MOSPD3: variants seen among roughly 807,000 people sequenced by gnomAD.
The protein encoded by MOSPD3 is motile sperm domain containing 3.
In MOSPD3, 20 loss-of-function variants were observed where a neutral mutation model predicts 23.3. The observed-to-expected ratio is 0.86, with a 90% confidence interval of 0.61 to 1.25. MOSPD3 has a LOEUF of 1.25. Among genes scored for constraint, MOSPD3 ranks in the 50% most tolerant of loss-of-function variants. MOSPD3 has a pLI of 0.00. For missense variants in MOSPD3, 307 were observed against 315.7 expected, an observed-to-expected ratio of 0.97 and a Z score of 0.21; for synonymous variants, 136 against 135.2, an observed-to-expected ratio of 1.01 and a Z score of -0.04.
At chr7:100,613,117 G>A (rs1025826085) in intron 1 of MOSPD3, 77 bp from the exon 2 acceptor site, 79 of 1,582,916 alleles carry the variant, frequency 5.0e-5, no homozygotes, top group Non-Finnish European at 6.7e-5. Flanking sequence ...GTCATGTCCA[G>A]CCTCCGGGGC....
In MOSPD3 at chr7:100,615,207, A is replaced by ACCCCAC. The variant is rs1802964859; in HGVS notation, c.*27_*32dup. The ACCCCAC allele has an allele frequency of 9.9e-7, 1 of 1,010,960 alleles. No individual in the cohort carries two copies. Among genetic ancestry groups the ACCCCAC allele is most frequent in the South Asian group, 1.3e-5 (1 of 79,906 alleles). 62.6% of individuals were successfully genotyped at this position (1,010,960 alleles called of 1,614,324 possible). On this transcript the variant is annotated 3_prime_UTR_variant, in exon 5 of 5. Transcript: ENST00000393950. ...GAGCTCCGTGCTCAACCCCCAGCCC[A>ACCCCAC]CCCCACCCTCCCTGGGCAGGGTCTT... is the stretch of plus-strand genomic sequence containing the variant.
At chr7:100,613,750 A>T in intron 3 of MOSPD3, 44 bp downstream of exon 3, 1 of 1,521,394 alleles carries the variant, frequency 6.6e-7, no homozygotes, top group South Asian at 1.1e-5. Context: ...GGGAGGGAGG[A>T]ACTAGCATTT....
At chr7:100,614,792 G>A (rs1421656217) in intron 3 of MOSPD3, 75 bp from the exon 4 acceptor site, 19 of 1,464,202 alleles carry the variant, frequency 1.3e-5, no homozygotes, top group Non-Finnish European at 1.7e-5. Context: ...CATCTTCCTT[G>A]TTCAGGCTTC....
rs746690050 is a variant in MOSPD3, at chr7:100,612,925, C to A, written c.134C>A (p.Ala45Glu). The A allele has an allele frequency of 6.2e-7, 1 of 1,613,636 alleles. No homozygotes were observed. The highest frequency in any genetic ancestry group is 1.3e-5 in the African/African-American group (1 of 74,866). Residue 45 changes from alanine to glutamate, a missense_variant, in exon 1 of 5, where the codon GCG becomes GAG. Ala to Glu is a moderately radical substitution (Grantham distance 107). Transcript: ENST00000393950. ...TTTCCCCCGGATCTAGTATTCAGGG[C>A]GGACCAGCGGAGCGGACCCCGACAG... is the stretch of plus-strand genomic sequence containing the variant. ...LVFPPDLVFR[A>E]DQRSGPRQLL...
At position 100,615,135 on chromosome 7, in the gene MOSPD3, C is replaced by A; in HGVS notation, c.677-17C>A. ...GGCTGCCCATGCGACCCTATTCTTT[C>A]TTTGTCCCCCCTCCAGGCCTCCTCA... On this transcript the variant is annotated splice_polypyrimidine_tract_variant and intron_variant, in intron 4 of 4. Coordinates refer to ENST00000393950, the MANE Select transcript of MOSPD3 (RefSeq NM_023948.5). The A allele has an allele frequency of 6.2e-7, 1 of 1,614,118 alleles. No homozygotes were observed. Among genetic ancestry groups the A allele is most frequent in the Non-Finnish European group, 8.5e-7 (1 of 1,180,006 alleles).
Position 100,613,179 on chromosome 7 carries a change from G to A in MOSPD3, c.206-15G>A, listed in dbSNP as rs369801670. ...CACATGGCAGGGCTTGTCTGTGTGTGTCTCTATCCCCCAGTCCTGTGCACA... is the reference window on the plus strand; with the variant it reads ...CACATGGCAGGGCTTGTCTGTGTGTATCTCTATCCCCCAGTCCTGTGCACA... On this transcript the variant is annotated splice_polypyrimidine_tract_variant and intron_variant, in intron 1 of 4. Transcript: ENST00000393950. The A allele has an allele frequency of 5.6e-6, 9 of 1,613,644 alleles. No individual in the cohort carries two copies. The Admixed American group carries it at 6.7e-5, about 12-fold the overall frequency.
chr7:100,613,016 G>T lies in MOSPD3; in HGVS notation c.205+20G>T. On this transcript the variant is annotated intron_variant, in intron 1 of 4. Transcript: ENST00000393950. ...TCCGAGGTAAAGGGATCGGCGCCTCGTGGGGGCTGGTGGCCGGACACTGGG... is the reference window on the plus strand; with the variant it reads ...TCCGAGGTAAAGGGATCGGCGCCTCTTGGGGGCTGGTGGCCGGACACTGGG... The T allele has an allele frequency of 3.1e-6, 5 of 1,613,444 alleles. No individual in the cohort carries two copies. In the Middle Eastern group the frequency reaches 5.0e-4, roughly 160 times the overall value.
intron 3 of MOSPD3, among the ~76,000 whole-genome samples, chr7:100,614,149 G>T (rs1031400953): frequency 1.3e-5 from 2 of 152,148 alleles, no homozygotes; most frequent in Non-Finnish European, 2.9e-5. Flanking sequence ...GAGGACACTT[G>T]CAGTGTACCC....
At chr7:100,614,388 C>G (rs1330023678) in intron 3 of MOSPD3, among the ~76,000 whole-genome samples, 4 of 151,546 alleles carry the variant, frequency 2.6e-5, no homozygotes, top group African/African-American at 9.7e-5. Flanking sequence ...ATCACTTGAA[C>G]CTAGGAGGCA....
Position 100,612,705 on chromosome 7 carries a change from C to T in MOSPD3, c.-87C>T. 2.9e-6 allele frequency: 3 copies of T among 1,051,158 alleles called. No individual in the cohort carries two copies. Among genetic ancestry groups the T allele is most frequent in the East Asian group, 2.6e-5 (1 of 38,954 alleles). 65.1% of individuals were successfully genotyped at this position (1,051,158 alleles called of 1,614,324 possible). Reference sequence around the variant, plus strand: ...CCCTGCTCCGGGAGCTCATCTTGTCCCCTTTCGCCCCTCACGCCCCCCAGC... The same window carrying T: ...CCCTGCTCCGGGAGCTCATCTTGTCTCCTTTCGCCCCTCACGCCCCCCAGC... On this transcript the variant is annotated 5_prime_UTR_variant, in exon 1 of 5. Transcript: ENST00000393950.
In MOSPD3 at chr7:100,613,473, C is replaced by T. The variant is rs773417860; in HGVS notation, c.282-4C>T. The T allele has an allele frequency of 6.2e-7, 1 of 1,613,964 alleles. No homozygotes were observed. The highest frequency in any genetic ancestry group is 8.5e-7 in the Non-Finnish European group (1 of 1,179,828). On this transcript the variant is annotated splice_region_variant and splice_polypyrimidine_tract_variant and intron_variant, in intron 2 of 4. Coordinates refer to ENST00000393950, the MANE Select transcript of MOSPD3 (RefSeq NM_023948.5). Reference sequence around the variant, plus strand: ...AATGGGCTTCTCTCCTACCTTGGGACCAGTGTGATTCGCCATGTGGCACCC... The same window carrying T: ...AATGGGCTTCTCTCCTACCTTGGGATCAGTGTGATTCGCCATGTGGCACCC...
Position 100,614,775 on chromosome 7 carries a change from G to C in MOSPD3, c.512-92G>C, listed in dbSNP as rs1802943247. ...AATAAAAGATAATTAAAAAAAAAAAGTAGATACATCTTCCTTGTTCAGGCT... is the reference window on the plus strand; with the variant it reads ...AATAAAAGATAATTAAAAAAAAAAACTAGATACATCTTCCTTGTTCAGGCT... On this transcript the variant is annotated intron_variant, in intron 3 of 4. Transcript: ENST00000393950. 7.9e-6 allele frequency: 10 copies of C among 1,264,622 alleles called. No homozygotes were observed. In the East Asian group the frequency reaches 2.6e-4, roughly 33 times the overall value. The allele number at this position is 1,264,622 out of a possible 1,614,324, so 78.3% of individuals were successfully genotyped here.
intron 3 of MOSPD3, 47 bp from the exon 4 acceptor site, chr7:100,614,820 C>G: frequency 6.4e-7 from 1 of 1,570,046 alleles, no homozygotes; most frequent in East Asian, 2.3e-5. Context: ...AGGACCTGGG[C>G]TGGGCAGGAG....
At chr7:100,613,863 G>A in intron 3 of MOSPD3, 157 bp downstream of exon 3, 1 of 708,932 alleles carries the variant, frequency 1.4e-6, no homozygotes, top group Non-Finnish European at 2.3e-6. Flanking sequence ...TCAGGTGAGG[G>A]GGAAAAGACT....
chr7:100,612,474 C>G (rs929728593), upstream of MOSPD3: 2 of 240,850 alleles, frequency 8.3e-6, no homozygotes, highest in African/African-American at 2.3e-5. Flanking sequence ...TTATGGAGAT[C>G]GTGAGCTGGG....
At chr7:100,615,121 C>G (rs954308155) in intron 4 of MOSPD3, 31 bp from the exon 5 acceptor site, 2 of 1,613,962 alleles carry the variant, frequency 1.2e-6, no homozygotes, top group Admixed American at 1.7e-5. Context: ...GCTGCCCATG[C>G]GACCCTATTC....
intron 3 of MOSPD3, among the ~76,000 whole-genome samples, chr7:100,614,646 A>G (rs1402247877): frequency 6.6e-6 from 1 of 151,958 alleles, no homozygotes; most frequent in Non-Finnish European, 1.5e-5. Flanking sequence ...TGGTAGCATG[A>G]ACCCATAGTC....
chr7:100,613,898 C>A, intron 3 of MOSPD3, 192 bp downstream of exon 3: 3 of 621,416 alleles, frequency 4.8e-6, no homozygotes, highest in Non-Finnish European at 8.4e-6. Flanking sequence ...TTTCTGACTT[C>A]TACTTAGAGG....
At chr7:100,613,419 T>A in intron 2 of MOSPD3, 58 bp from the exon 3 acceptor site, 1 of 1,591,220 alleles carries the variant, frequency 6.3e-7, no homozygotes, top group Non-Finnish European at 8.6e-7. Context: ...GAGGCCCAGA[T>A]TTCCTTGGAT....
Sources: gnomAD v4.1 joint callset for allele counts (sites outside exome capture counted in the v4.1 genomes callset) on GRCh38, gnomAD v4.1.1 for gene constraint, MANE v1.5 for transcripts, NCBI Gene and HGNC (gene_info 2026-07-23, HGNC 2026-07-21) for gene names.